The following PIK3CD variants were observed in gnomAD, a reference collection of about 807,000 sequenced individuals.
PIK3CD encodes the protein phosphatidylinositol-4,5-bisphosphate 3-kinase catalytic subunit delta.
PIK3CD carries 20 observed loss-of-function variants against 122.9 expected under a neutral mutation model. The observed-to-expected ratio is 0.16, with a 90% CI of 0.11 to 0.24. The LOEUF (loss-of-function observed/expected upper bound fraction) is 0.24, where lower values mean the gene tolerates loss of function less well. Among genes scored for constraint, PIK3CD ranks in the 10% least tolerant of loss-of-function variants. The pLI is 1.00. For synonymous variants in PIK3CD, 596 were observed against 593.4 expected, an observed-to-expected ratio of 1.00 and a Z score of -0.06; for missense variants, 787 against 1,406.3, an observed-to-expected ratio of 0.56 and a Z score of 7.04.
chr1:9,701,612 TG>T (rs1339436420), intron 2 of PIK3CD, among the ~76,000 whole-genome samples: 1 of 140,004 alleles, frequency 7.1e-6, no homozygotes, highest in Admixed American at 8.1e-5. Context: ...GGGATTGCAG[TG>T]AGCGGAGATT....
At chr1:9,714,292 C>A (rs1343905834) in intron 3 of PIK3CD, among the ~76,000 whole-genome samples, 1 of 152,134 alleles carries the variant, frequency 6.6e-6, no homozygotes, top group African/African-American at 2.4e-5. Flanking sequence ...TCCCAGGGGC[C>A]AGATAGTAAA....
chr1:9,718,993 T>C lies in PIK3CD; in HGVS notation c.1242+78T>C. ...CCCCTTGCTGGGCCACTCACCACTC[T>C]CCTCCCGGCAAGCACGCAGCCTGGG... On this transcript the variant is annotated intron_variant, in intron 9 of 23. Transcript: ENST00000377346. The surrounding 1 kb of genome is among the most constrained non-coding windows in gnomAD (Gnocchi z 7.2). 7.3e-7 allele frequency: 1 copy of C among 1,366,114 alleles called. No homozygotes were observed. Among genetic ancestry groups the C allele is most frequent in the Non-Finnish European group, 1.0e-6 (1 of 976,226 alleles). 84.6% of individuals were successfully genotyped at this position (1,366,114 alleles called of 1,614,324 possible).
chr1:9,690,069 G>A (rs1321558975), intron 1 of PIK3CD, among the ~76,000 whole-genome samples: 2 of 152,182 alleles, frequency 1.3e-5, no homozygotes, highest in South Asian at 2.1e-4. Context: ...GCCTGTTCGG[G>A]GCAGGCTGTT....
chr1:9,658,385 C>CAAAAAAAA (rs58808659), intron 1 of PIK3CD, among the ~76,000 whole-genome samples: 4 of 81,622 alleles, frequency 4.9e-5, no homozygotes, highest in African/African-American at 1.8e-4. Flanking sequence ...GACCCTGTCT[C>CAAAAAAAA]AAAAAAAAAA....
chr1:9,663,144 G>A (rs763347959), intron 1 of PIK3CD, among the ~76,000 whole-genome samples: 1 of 152,114 alleles, frequency 6.6e-6, no homozygotes, highest in Non-Finnish European at 1.5e-5. Context: ...TTTGGCTCTG[G>A]CGCTCTGAGC....
At chr1:9,669,158 A>C (rs1269396458) in intron 1 of PIK3CD, among the ~76,000 whole-genome samples, 1 of 151,946 alleles carries the variant, frequency 6.6e-6, no homozygotes, top group Non-Finnish European at 1.5e-5. Context: ...AAACCTTTTA[A>C]TTATTTTTAT....
At position 9,722,485 on chromosome 1, in the gene PIK3CD, T is replaced by A. The variant is rs1354561867; in HGVS notation, c.2348-43T>A. 1 of 1,570,998 alleles carries A rather than the reference T, an allele frequency of 6.4e-7. No individual in the cohort carries two copies. The highest frequency in any genetic ancestry group is 8.8e-7 in the Non-Finnish European group (1 of 1,141,480). ...TGGGTGTAGCTGGAAGCAGAGAACC[T>A]ACCAGAAACTCACGCTTCTCCTCCC... On this transcript the variant is annotated intron_variant, in intron 18 of 23. Coordinates refer to ENST00000377346, the MANE Select transcript of PIK3CD (RefSeq NM_005026.5). This position sits in a 1 kb window ranked among gnomAD's most constrained non-coding sequence, Gnocchi z 7.6.
At chr1:9,655,209 G>T (rs996945187) in intron 1 of PIK3CD, among the ~76,000 whole-genome samples, 2 of 152,280 alleles carry the variant, frequency 1.3e-5, no homozygotes, top group Admixed American at 6.5e-5. Flanking sequence ...ACAAGGAAGG[G>T]CCCTATCCAC....
At position 9,728,055 on chromosome 1, in the gene PIK3CD, T is replaced by G. The variant is rs1649954951; in HGVS notation, c.*1009T>G. 1 of 154,034 alleles carries G rather than the reference T, an allele frequency of 6.5e-6. No individual in the cohort carries two copies. The highest frequency in any genetic ancestry group is 1.4e-5 in the Non-Finnish European group (1 of 69,106). The allele number at this position is 154,034 out of a possible 1,614,324, so 9.5% of individuals were successfully genotyped here. On this transcript the variant is annotated 3_prime_UTR_variant, in exon 24 of 24. Coordinates refer to ENST00000377346, the MANE Select transcript of PIK3CD (RefSeq NM_005026.5). ...CCTGACCTCAGGTGATCCACCCGCC[T>G]GAGCCTCCCAAAGTGCTGGGATTAC...
intron 1 of PIK3CD, among the ~76,000 whole-genome samples, chr1:9,665,740 A>G (rs1001616133): frequency 3.9e-5 from 6 of 152,004 alleles, no homozygotes; most frequent in African/African-American, 1.4e-4. Flanking sequence ...TCGTCATCCT[A>G]TAAACCCTTT....
At position 9,710,071 on chromosome 1, in the gene PIK3CD, GACC is replaced by G. The variant is rs1247385714; in HGVS notation, c.-32-351_-32-349del. ...CGGCCTCTCAGGTCTCAGGGCACCT[GACC>G]AGCTGTCCTGCCATCTCCCTTCTGT... On this transcript the variant is annotated intron_variant, in intron 2 of 23. Coordinates refer to ENST00000377346, the MANE Select transcript of PIK3CD (RefSeq NM_005026.5). The surrounding 1 kb of genome is among the most constrained non-coding windows in gnomAD (Gnocchi z 4.7). 1.5e-5 allele frequency: 5 copies of G among 334,174 alleles called. No individual in the cohort carries two copies. The highest frequency in any genetic ancestry group is 1.1e-4 in the African/African-American group (5 of 46,808). 20.7% of individuals were successfully genotyped at this position (334,174 alleles called of 1,614,324 possible).
At chr1:9,657,135 G>C (rs1218206665) in intron 1 of PIK3CD, among the ~76,000 whole-genome samples, 1 of 152,036 alleles carries the variant, frequency 6.6e-6, no homozygotes, top group Non-Finnish European at 1.5e-5. Flanking sequence ...GTCTTCACAA[G>C]GGCATCTCCT....
rs1295318610 is a variant in PIK3CD at position 9,652,113 on chromosome 1, C to A, written c.-138+311C>A. On this transcript the variant is annotated intron_variant, in intron 1 of 23. Coordinates refer to ENST00000377346, the MANE Select transcript of PIK3CD (RefSeq NM_005026.5). The surrounding 1 kb of genome is among the most constrained non-coding windows in gnomAD (Gnocchi z 6.2). ...CACTGCGCGCCTTGCCCGCCTGGCCCGGCAGCGGGGTTTCAGCTGCGCTCA... is the reference window on the plus strand; with the variant it reads ...CACTGCGCGCCTTGCCCGCCTGGCCAGGCAGCGGGGTTTCAGCTGCGCTCA... 6.6e-6 allele frequency among the ~76,000 whole-genome samples: 1 copy of A among 151,898 alleles called. No homozygotes were observed. The highest frequency in any genetic ancestry group is 1.5e-5 in the Non-Finnish European group (1 of 67,950).
chr1:9,644,327 C>T, the PIK3CD span, among the ~76,000 whole-genome samples: 2 of 151,854 alleles, frequency 1.3e-5, no homozygotes, highest in African/African-American at 4.8e-5. Flanking sequence ...CCAGCCTGGC[C>T]AACATGGTGA....
At position 9,715,830 on chromosome 1, in the gene PIK3CD, A is replaced by G; in HGVS notation, c.371-19A>G. 2.8e-6 allele frequency: 2 copies of G among 707,940 alleles called. No homozygotes were observed. The highest frequency in any genetic ancestry group is 4.8e-6 in the Non-Finnish European group (2 of 412,956). 43.9% of individuals were successfully genotyped at this position (707,940 alleles called of 1,614,324 possible). On this transcript the variant is annotated intron_variant, in intron 4 of 23. Transcript: ENST00000377346. This position sits in a 1 kb window ranked among gnomAD's most constrained non-coding sequence, Gnocchi z 4.1. Reference sequence around the variant, plus strand: ...CCCTGCCTGCCCCACCCGCTGACCCAGCCCTCCCCACCCCGCAGGCCTCCA... The same window carrying G: ...CCCTGCCTGCCCCACCCGCTGACCCGGCCCTCCCCACCCCGCAGGCCTCCA...
chr1:9,628,004 G>A, the PIK3CD span, among the ~76,000 whole-genome samples: 1 of 152,230 alleles, frequency 6.6e-6, no homozygotes, highest in Non-Finnish European at 1.5e-5. Context: ...AGCTGAGATC[G>A]CGTCACTGCG....
chr1:9,686,651 G>A (rs941632404), intron 1 of PIK3CD, among the ~76,000 whole-genome samples: 1 of 152,156 alleles, frequency 6.6e-6, no homozygotes, highest in Non-Finnish European at 1.5e-5. Context: ...ACTGTGCCAG[G>A]TCTACTCTGA....
chr1:9,658,520 C>CTTTTTT (rs1557593016), intron 1 of PIK3CD, among the ~76,000 whole-genome samples: 5 of 106,650 alleles, frequency 4.7e-5, no homozygotes, highest in South Asian at 3.7e-4. Flanking sequence ...TTCCCAGCCA[C>CTTTTTT]ATTTTTTTTT....
chr1:9,677,623 T>C (rs1456570898), intron 1 of PIK3CD, among the ~76,000 whole-genome samples: 6 of 125,306 alleles, frequency 4.8e-5, no homozygotes, highest in African/African-American at 1.9e-4. Flanking sequence ...CCAGCCTGAG[T>C]GAAAAAGTGA....
Sources: gnomAD v4.1 joint callset for allele counts (sites outside exome capture counted in the v4.1 genomes callset) on GRCh38, gnomAD v4.1.1 for gene constraint, Gnocchi (gnomAD v3.1) non-coding constraint, MANE v1.5 for transcripts, NCBI Gene and HGNC (gene_info 2026-07-23, HGNC 2026-07-21) for gene names.